LDB2: variants seen among roughly 807,000 people sequenced by gnomAD.
The protein encoded by LDB2 is LIM domain-binding protein 2.
Under a neutral mutation model 44.3 loss-of-function variants are expected in LDB2, and 12 were observed. That is an observed-to-expected ratio of 0.27 (90% CI 0.17 to 0.44). The LOEUF is 0.44. LDB2 is among the 20% of genes least tolerant of loss of function. The probability of loss-of-function intolerance (pLI) is 1.00; values close to 1 mark genes in which losing one functional copy is unlikely to be tolerated. For synonymous variants in LDB2, 164 were observed against 174.8 expected, an observed-to-expected ratio of 0.94 and a Z score of 0.49; for missense variants, 344 against 473.5, an observed-to-expected ratio of 0.73 and a Z score of 2.54.
intron 2 of LDB2, among the ~76,000 whole-genome samples, chr4:16,662,973 C>G (rs1456354675): frequency 6.6e-6 from 1 of 152,026 alleles, no homozygotes; most frequent in African/African-American, 2.4e-5. Context: ...TGAGAACACT[C>G]CTTCCCCGAA....
chr4:16,540,433 A>G lies in LDB2; in HGVS notation c.616-28329T>C, dbSNP rs369961203. ...TAAGCCAATGGAAATTTGCGGTCTTATCTTTACTCCAGCATCCTAACTACT... is the reference window on the plus strand; with the variant it reads ...TAAGCCAATGGAAATTTGCGGTCTTGTCTTTACTCCAGCATCCTAACTACT... On this transcript the variant is annotated intron_variant, in intron 5 of 7. Transcript: ENST00000304523. 5.3e-5 allele frequency among the ~76,000 whole-genome samples: 8 copies of G among 152,326 alleles called. No individual in the cohort carries two copies. The East Asian group carries it at 5.8e-4, about 11-fold the overall frequency.
At chr4:16,818,925 G>A (rs1256829913) in intron 1 of LDB2, among the ~76,000 whole-genome samples, 3 of 152,204 alleles carry the variant, frequency 2.0e-5, no homozygotes, top group Non-Finnish European at 4.4e-5. Context: ...CCAATCTATA[G>A]AGTAAATGGT....
chr4:16,618,078 G>T (rs1727824820), intron 2 of LDB2, among the ~76,000 whole-genome samples: 1 of 152,018 alleles, frequency 6.6e-6, no homozygotes, highest in South Asian at 2.1e-4. Context: ...ATTCTGTTAG[G>T]CGCACCTCCT....
intron 1 of LDB2, among the ~76,000 whole-genome samples, chr4:16,770,516 A>G (rs1231322115): frequency 6.6e-6 from 1 of 152,138 alleles, no homozygotes; most frequent in Non-Finnish European, 1.5e-5. Flanking sequence ...CAGGCTCTCT[A>G]TCAAGTTGGT....
At chr4:16,597,952 G>A (rs962592679) in intron 2 of LDB2, among the ~76,000 whole-genome samples, 1 of 152,144 alleles carries the variant, frequency 6.6e-6, no homozygotes, top group East Asian at 1.9e-4. Context: ...AGCACTCTAG[G>A]AAATGGTTGC....
intron 2 of LDB2, among the ~76,000 whole-genome samples, chr4:16,698,203 T>C (rs890443633): frequency 1.3e-5 from 2 of 152,234 alleles, no homozygotes; most frequent in African/African-American, 4.8e-5. Flanking sequence ...GTTTTGTTTT[T>C]TATTTAATTA....
intron 1 of LDB2, among the ~76,000 whole-genome samples, chr4:16,783,692 G>A (rs936919136): frequency 1.3e-5 from 2 of 152,154 alleles, no homozygotes; most frequent in African/African-American, 4.8e-5. Context: ...TTTGCCCTTG[G>A]TTTTTTACAT....
Position 16,704,082 on chromosome 4 carries a change from TAG to T in LDB2, c.235+55074_235+55075del, listed in dbSNP as rs201228358. On this transcript the variant is annotated intron_variant, in intron 2 of 7. Transcript: ENST00000304523. ...TCCTCCCTGGAATCTGCATCTTGAG[TAG>T]AGTCAACAAGACTGAAAAAAAGGCA... Among the ~76,000 whole-genome samples, 1,007 of 152,182 alleles carry T rather than the reference TAG, an allele frequency of 6.6e-3. 15 individuals carry two copies. Among genetic ancestry groups the T allele is most frequent in the African/African-American group, 0.023 (962 of 41,510 alleles).
At chr4:16,680,404 C>CCTCTGG (rs963979389) in intron 2 of LDB2, among the ~76,000 whole-genome samples, 1 of 152,202 alleles carries the variant, frequency 6.6e-6, no homozygotes, top group Non-Finnish European at 1.5e-5. Flanking sequence ...CTCAAGACCA[C>CCTCTGG]CTCTGGCAAA....
chr4:16,874,574 G>C (rs995159914), intron 1 of LDB2, among the ~76,000 whole-genome samples: 3 of 152,338 alleles, frequency 2.0e-5, no homozygotes, highest in South Asian at 2.1e-4. Context: ...TTGAGGGTAA[G>C]AGTCAGGGAG....
chr4:16,516,467 T>G (rs1463644449), intron 5 of LDB2, among the ~76,000 whole-genome samples: 1 of 152,208 alleles, frequency 6.6e-6, no homozygotes, highest in Non-Finnish European at 1.5e-5. Context: ...AAAATGAGAA[T>G]AACACAATCT....
At chr4:16,552,092 T>C (rs1737885898) in intron 5 of LDB2, among the ~76,000 whole-genome samples, 1 of 152,220 alleles carries the variant, frequency 6.6e-6, no homozygotes, top group Admixed American at 6.5e-5. Context: ...ATCTTCCATT[T>C]GATTTGGCCT....
chr4:16,530,887 T>A (rs1729917071), intron 5 of LDB2, among the ~76,000 whole-genome samples: 1 of 152,170 alleles, frequency 6.6e-6, no homozygotes, highest in African/African-American at 2.4e-5. Context: ...TTATCCTCAT[T>A]TTAGAGATAA....
chr4:16,748,249 AG>A (rs1394323136), intron 2 of LDB2, among the ~76,000 whole-genome samples: 1 of 152,204 alleles, frequency 6.6e-6, no homozygotes, highest in Non-Finnish European at 1.5e-5. Flanking sequence ...ATATTGTGAC[AG>A]GGAAGTTCCC....
At chr4:16,617,533 T>C (rs1253338413) in intron 2 of LDB2, among the ~76,000 whole-genome samples, 1 of 152,118 alleles carries the variant, frequency 6.6e-6, no homozygotes, top group Non-Finnish European at 1.5e-5. Context: ...GTTGGAAGTT[T>C]CACTCTCGGG....
intron 1 of LDB2, among the ~76,000 whole-genome samples, chr4:16,804,228 T>C (rs1036311118): frequency 9.2e-5 from 14 of 152,248 alleles, no homozygotes; most frequent in African/African-American, 2.6e-4. Context: ...GCCTCCCAGG[T>C]AGCTGGGACT....
intron 5 of LDB2, among the ~76,000 whole-genome samples, chr4:16,539,926 G>C (rs1402265342): frequency 2.0e-5 from 3 of 152,218 alleles, no homozygotes; most frequent in Admixed American, 2.0e-4. Flanking sequence ...CCTGAGACTG[G>C]GTAATTTATG....
chr4:16,569,407 G>C, intron 5 of LDB2, among the ~76,000 whole-genome samples: 1 of 152,156 alleles, frequency 6.6e-6, no homozygotes, highest in East Asian at 1.9e-4. Flanking sequence ...TTCTTGAGTA[G>C]ACTTTGAGTC....
At chr4:16,503,034 C>A in intron 7 of LDB2, 161 bp from the exon 8 acceptor site, 1 of 1,552,594 alleles carries the variant, frequency 6.4e-7, no homozygotes, top group Non-Finnish European at 8.7e-7. Flanking sequence ...TATTTGATTT[C>A]TACAGGAAAT....
Sources: gnomAD v4.1 joint callset for allele counts (sites outside exome capture counted in the v4.1 genomes callset) on GRCh38, gnomAD v4.1.1 for gene constraint, MANE v1.5 for transcripts, NCBI Gene and HGNC (gene_info 2026-07-23, HGNC 2026-07-21) for gene names.